PAM: variants seen among roughly 807,000 people sequenced by gnomAD.
The protein encoded by PAM is peptidyl-glycine alpha-amidating monooxygenase.
Under a neutral mutation model 122.1 loss-of-function variants are expected in PAM, and 72 were observed. The observed-to-expected ratio is 0.59, with a 90% CI of 0.49 to 0.72. PAM has a LOEUF of 0.72. Ranked by LOEUF, PAM falls within the 30% of genes least tolerant of loss-of-function variation. PAM has a pLI of 0.00. For synonymous variants in PAM, 389 were observed against 404.4 expected (o/e 0.96, Z 0.46); for missense variants, 1,106 against 1,183.7 (o/e 0.93, Z 0.96).
intron 1 of PAM, among the ~76,000 whole-genome samples, chr5:102,850,278 G>A (rs1027801501): frequency 6.6e-6 from 1 of 152,132 alleles, no homozygotes; most frequent in Non-Finnish European, 1.5e-5. Context: ...AGCAAACATA[G>A]TGCATTGAGT....
intron 7 of PAM, among the ~76,000 whole-genome samples, chr5:102,932,362 C>G (rs906227380): frequency 4.6e-5 from 7 of 151,946 alleles, no homozygotes; most frequent in African/African-American, 1.7e-4. Context: ...GTGGTGTGTG[C>G]CTGTAATCCC....
intron 12 of PAM, 93 bp from the exon 13 acceptor site, chr5:102,959,782 C>T: frequency 1.4e-6 from 1 of 738,290 alleles, no homozygotes; most frequent in East Asian, 2.6e-5. Flanking sequence ...CCTTTGAATC[C>T]ATTGCTGGCA....
intron 15 of PAM, among the ~76,000 whole-genome samples, chr5:102,982,531 C>T (rs951949059): frequency 1.3e-5 from 2 of 152,186 alleles, no homozygotes; most frequent in Admixed American, 6.5e-5. Context: ...GATCAACCCA[C>T]CTTGTGTCCT....
intron 20 of PAM, among the ~76,000 whole-genome samples, chr5:103,008,691 C>G (rs1346886641): frequency 6.6e-6 from 1 of 152,034 alleles, no homozygotes; most frequent in Non-Finnish European, 1.5e-5. Flanking sequence ...TGATAGAGAG[C>G]AAATTTGGCT....
chr5:103,009,753 T>C lies in PAM; in HGVS notation c.2218T>C (p.Leu740=). 2.5e-6 allele frequency: 4 copies of C among 1,578,898 alleles called. No individual in the cohort carries two copies. Among genetic ancestry groups the C allele is most frequent in the Non-Finnish European group, 3.5e-6 (4 of 1,148,080 alleles). ...GTTAACTGGATTTGCTGTTGCAGGC[T>C]TGCTCTTTGCAGTGAATGGGAAGCC... The part of the protein sequence containing the change: ...NVFAISYIPG[L]LFAVNGKPHF... The change falls in exon 21 of 26, where the codon TTG becomes CTG. Residue 740 remains leucine, a splice_region_variant and synonymous_variant. Coordinates refer to ENST00000438793, the MANE Select transcript of PAM (RefSeq NM_001177306.2).
intron 1 of PAM, among the ~76,000 whole-genome samples, chr5:102,810,377 T>C (rs562420607): frequency 6.6e-6 from 1 of 152,268 alleles, no homozygotes; most frequent in South Asian, 2.1e-4. Flanking sequence ...TTTAGGAAAG[T>C]TTTTACTTTA....
rs74528876 is a variant in PAM at position 102,938,190 on chromosome 5, A to G, written c.527-8647A>G. 2.8e-3 allele frequency among the ~76,000 whole-genome samples: 425 copies of G among 152,284 alleles called. 2 individuals carry two copies. The highest frequency in any genetic ancestry group is 9.2e-3 in the African/African-American group (384 of 41,572). ...TATTTTTTTCTTGCAGCCTCTTCAC[A>G]TAATTGTGAGCTCTCTGATTCTCTA... is the stretch of plus-strand genomic sequence containing the variant. On this transcript the variant is annotated intron_variant, in intron 7 of 25. Coordinates refer to ENST00000438793, the MANE Select transcript of PAM (RefSeq NM_001177306.2).
chr5:102,805,782 A>G (rs1046646989), intron 1 of PAM, among the ~76,000 whole-genome samples: 15 of 152,216 alleles, frequency 9.9e-5, no homozygotes, highest in African/African-American at 3.6e-4. Flanking sequence ...AGTACAAGAC[A>G]CTGTGACAGT....
At chr5:102,890,183 C>T (rs576247927) in intron 3 of PAM, among the ~76,000 whole-genome samples, 1 of 151,744 alleles carries the variant, frequency 6.6e-6, no homozygotes, top group East Asian at 2.0e-4. Context: ...CATCTAGAGG[C>T]TAGATCAGAT....
chr5:102,996,310 A>G (rs1447415986), intron 16 of PAM, among the ~76,000 whole-genome samples: 1 of 152,208 alleles, frequency 6.6e-6, no homozygotes, highest in African/African-American at 2.4e-5. Context: ...TGTTCAGGGT[A>G]TTATTATAGC....
intron 16 of PAM, among the ~76,000 whole-genome samples, chr5:102,997,116 C>A (rs1386999638): frequency 6.6e-6 from 1 of 152,118 alleles, no homozygotes; most frequent in Non-Finnish European, 1.5e-5. Context: ...GCCCTTTATA[C>A]ATATAGATGA....
intron 1 of PAM, among the ~76,000 whole-genome samples, chr5:102,780,666 A>T (rs2149854751): frequency 6.6e-6 from 1 of 152,180 alleles, no homozygotes; most frequent in Admixed American, 6.5e-5. Context: ...AGATTTCTGA[A>T]TCTCACACTA....
Position 103,029,348 on chromosome 5 carries a change from T to G in PAM, c.*283T>G. On this transcript the variant is annotated 3_prime_UTR_variant, in exon 26 of 26. Transcript: ENST00000438793. ...ATCTAACAATGGAAGATTTGCCCAT[T>G]TACACTTTTGAGACTTTTTGGTGGA... is the stretch of plus-strand genomic sequence containing the variant. The G allele has an allele frequency of 3.7e-6, 1 of 271,558 alleles. No homozygotes were observed. The highest frequency in any genetic ancestry group is 6.8e-6 in the Non-Finnish European group (1 of 146,206). 16.8% of individuals were successfully genotyped at this position (271,558 alleles called of 1,614,324 possible).
chr5:102,949,119 A>G (rs868020913), intron 9 of PAM, among the ~76,000 whole-genome samples: 1 of 152,116 alleles, frequency 6.6e-6, no homozygotes, highest in Non-Finnish European at 1.5e-5. Flanking sequence ...ATAAGGAAGG[A>G]ACAGTATGAA....
chr5:102,987,807 GA>G (rs1772415102), intron 15 of PAM, among the ~76,000 whole-genome samples: 1 of 152,072 alleles, frequency 6.6e-6, no homozygotes, highest in Non-Finnish European at 1.5e-5. Context: ...CTATACCTAG[GA>G]TTATTTGCAA....
chr5:102,909,079 G>T (rs1399046939), intron 4 of PAM, among the ~76,000 whole-genome samples: 1 of 151,612 alleles, frequency 6.6e-6, no homozygotes, highest in Non-Finnish European at 1.5e-5. Flanking sequence ...AGATTTTAGG[G>T]TTTGTAATTT....
At chr5:102,909,759 A>G (rs545049322) in intron 4 of PAM, among the ~76,000 whole-genome samples, 4 of 151,900 alleles carry the variant, frequency 2.6e-5, no homozygotes, top group Non-Finnish European at 5.9e-5. Context: ...AATACCCATG[A>G]TATGCAAGCT....
chr5:102,956,689 C>T (rs563695759), intron 12 of PAM, among the ~76,000 whole-genome samples: 18 of 152,050 alleles, frequency 1.2e-4, no homozygotes, highest in Admixed American at 9.8e-4. Flanking sequence ...TCCATAATTA[C>T]GATCTATAAT....
intron 7 of PAM, among the ~76,000 whole-genome samples, chr5:102,931,195 C>T (rs956086044): frequency 6.6e-6 from 1 of 152,114 alleles, no homozygotes; most frequent in Non-Finnish European, 1.5e-5. Context: ...ATGAAAAGGA[C>T]GTGGTTACTT....
Sources: allele counts gnomAD v4.1 joint callset (sites outside exome capture counted in the v4.1 genomes callset), GRCh38; gene constraint gnomAD v4.1.1; transcripts MANE v1.5; gene names NCBI Gene and HGNC (gene_info 2026-07-23, HGNC 2026-07-21).